OSBPL10: variants seen among roughly 807,000 people sequenced by gnomAD.
OSBPL10 encodes oxysterol-binding protein-related protein 10.
A neutral mutation model predicts 81.7 loss-of-function variants in OSBPL10; 49 were observed. That is an observed-to-expected ratio of 0.60 (90% CI 0.48 to 0.76). The LOEUF is 0.76. Ranked by LOEUF, OSBPL10 falls within the 30% of genes least tolerant of loss-of-function variation. OSBPL10 has a pLI of 0.00. For missense variants in OSBPL10, 923 were observed against 987.8 expected, an observed-to-expected ratio of 0.93 and a Z score of 0.88; for synonymous variants, 419 against 383.6, an observed-to-expected ratio of 1.09 and a Z score of -1.08.
chr3:31,896,804 G>C (rs1170933286), intron 1 of OSBPL10, among the ~76,000 whole-genome samples: 1 of 152,184 alleles, frequency 6.6e-6, no homozygotes, highest in African/African-American at 2.4e-5. Context: ...CCTTTCCACA[G>C]GCCACAGGAG....
intron 4 of OSBPL10, chr3:31,795,730 A>G (rs1699193169): frequency 4.5e-6 from 1 of 222,324 alleles, no homozygotes; most frequent in Non-Finnish European, 1.0e-5. Flanking sequence ...TCACCTCCTC[A>G]CTGATCACCA....
chr3:31,890,989 T>C (rs747823044), intron 1 of OSBPL10, among the ~76,000 whole-genome samples: 20 of 152,062 alleles, frequency 1.3e-4, no homozygotes, highest in African/African-American at 4.8e-4. Context: ...AACCCCAGTT[T>C]AGTACCCACC....
At chr3:31,768,430 G>C (rs982934555) in intron 4 of OSBPL10, among the ~76,000 whole-genome samples, 1 of 152,134 alleles carries the variant, frequency 6.6e-6, no homozygotes, top group African/African-American at 2.4e-5. Context: ...ATTAGAAATT[G>C]TCTCCCTTTA....
At position 32,058,642 on chromosome 3, in the gene OSBPL10, G is replaced by A. The variant is rs55868154; in HGVS notation, n.186-12039C>T. ...CCACCCAGCCTGAACTATTCAAAAT[G>A]TTTTAAATGATGCATGCTTATGAAT... On this transcript the variant is annotated intron_variant and non_coding_transcript_variant, in intron 1 of 3. Transcript: ENST00000479173. 8.0e-3 allele frequency among the ~76,000 whole-genome samples: 1,217 copies of A among 152,168 alleles called. 13 individuals carry two copies. The highest frequency in any genetic ancestry group is 0.028 in the African/African-American group (1,160 of 41,486).
chr3:32,067,505 C>T (rs953544240), intron 1 of OSBPL10, among the ~76,000 whole-genome samples: 1 of 152,194 alleles, frequency 6.6e-6, no homozygotes, highest in East Asian at 1.9e-4. Context: ...ATCATATCCC[C>T]TGTGACCTGC....
chr3:31,923,421 A>C (rs1020819931), intron 1 of OSBPL10, among the ~76,000 whole-genome samples: 1 of 152,204 alleles, frequency 6.6e-6, no homozygotes, highest in Non-Finnish European at 1.5e-5. Flanking sequence ...AGAGGATCGT[A>C]ACGAGGAAAT....
chr3:31,751,809 C>A (rs1697728941), intron 4 of OSBPL10, among the ~76,000 whole-genome samples: 1 of 152,214 alleles, frequency 6.6e-6, no homozygotes, highest in East Asian at 1.9e-4. Flanking sequence ...TTTAATGACA[C>A]AATCAATGCC....
intron 3 of OSBPL10, among the ~76,000 whole-genome samples, chr3:31,859,329 C>T (rs573516265): frequency 1.3e-5 from 2 of 152,208 alleles, no homozygotes; most frequent in Non-Finnish European, 2.9e-5. Flanking sequence ...ACAGGAGGCT[C>T]TAGGAGGGTG....
At chr3:31,774,008 A>G (rs1387700952) in intron 4 of OSBPL10, among the ~76,000 whole-genome samples, 2 of 152,160 alleles carry the variant, frequency 1.3e-5, no homozygotes, top group African/African-American at 2.4e-5. Context: ...CTAAAAATAC[A>G]AAGATTAGCC....
chr3:31,782,231 C>T (rs1698714134), intron 4 of OSBPL10, among the ~76,000 whole-genome samples: 1 of 152,092 alleles, frequency 6.6e-6, no homozygotes, highest in East Asian at 1.9e-4. Context: ...ATTGGCAAAC[C>T]ACATGTACAA....
chr3:31,941,609 C>A (rs771053473), intron 1 of OSBPL10, among the ~76,000 whole-genome samples: 4 of 152,174 alleles, frequency 2.6e-5, no homozygotes, highest in Non-Finnish European at 5.9e-5. Flanking sequence ...CTGCTGACCC[C>A]AATTTCTTGT....
chr3:31,871,387 G>A (rs113146162), intron 3 of OSBPL10, among the ~76,000 whole-genome samples: 30,947 of 151,952 alleles, frequency 0.2, 3,336 homozygotes, highest in South Asian at 0.32. Context: ...CCAGAAGGAA[G>A]AAACTCCGAA....
intron 2 of OSBPL10, among the ~76,000 whole-genome samples, chr3:31,997,355 C>T (rs932681589): frequency 2.6e-5 from 4 of 151,680 alleles, no homozygotes; most frequent in Middle Eastern, 3.4e-3. Flanking sequence ...ACCTCCGCCT[C>T]CTGGGTTCAA....
chr3:32,023,284 T>TA (rs1367502680), intron 2 of OSBPL10, among the ~76,000 whole-genome samples: 1 of 152,142 alleles, frequency 6.6e-6, no homozygotes, highest in East Asian at 1.9e-4. Context: ...TGATAGTGAA[T>TA]AAGTCTCACA....
intron 2 of OSBPL10, among the ~76,000 whole-genome samples, chr3:32,043,124 T>G (rs1462536623): frequency 2.0e-5 from 3 of 152,102 alleles, no homozygotes; most frequent in African/African-American, 7.2e-5. Context: ...CTCAACTGCA[T>G]AAGACAGACA....
chr3:31,959,833 T>A (rs570987587), intron 1 of OSBPL10, among the ~76,000 whole-genome samples: 6 of 152,304 alleles, frequency 3.9e-5, no homozygotes, highest in South Asian at 2.1e-4. Context: ...AGCCTCAGAA[T>A]AATGCTCCAT....
Position 31,980,840 on chromosome 3 carries a change from C to T in OSBPL10, c.281+59G>A, listed in dbSNP as rs552433245. 13 of 1,413,658 alleles carry T rather than the reference C, an allele frequency of 9.2e-6. No individual in the cohort carries two copies. In the African/African-American group the frequency reaches 2.4e-4, roughly 26 times the overall value. 87.6% of individuals were successfully genotyped at this position (1,413,658 alleles called of 1,614,324 possible). Reference sequence around the variant, plus strand: ...ACACAGACACACATACACACACGCACGCACACACACACACACACACACAGC... The same window carrying T: ...ACACAGACACACATACACACACGCATGCACACACACACACACACACACAGC... On this transcript the variant is annotated intron_variant, in intron 1 of 11. Transcript: ENST00000396556.
In OSBPL10 at chr3:32,027,827, T is replaced by C. The variant is rs913424453; in HGVS notation, n.298+18664A>G. On this transcript the variant is annotated intron_variant and non_coding_transcript_variant, in intron 2 of 3. Transcript: ENST00000479173. ...GTTAGGGGCAGGGGTGTTCAGACTT[T>C]AAGCAAGAAATGGAGGTCACCCTTC... Among the ~76,000 whole-genome samples the C allele has an allele frequency of 2.0e-5, 3 of 152,276 alleles. No individual in the cohort carries two copies. The East Asian group carries it at 5.8e-4, about 29-fold the overall frequency.
intron 4 of OSBPL10, among the ~76,000 whole-genome samples, chr3:31,765,433 A>T (rs1384146864): frequency 6.6e-6 from 1 of 151,686 alleles, no homozygotes; most frequent in African/African-American, 2.4e-5. Context: ...GTTTCCCCAA[A>T]CCTAGGACAA....
Sources: allele counts gnomAD v4.1 joint callset (sites outside exome capture counted in the v4.1 genomes callset), GRCh38; gene constraint gnomAD v4.1.1; transcripts MANE v1.5; gene names NCBI Gene and HGNC (gene_info 2026-07-23, HGNC 2026-07-21).